GSN: variants seen among roughly 807,000 people sequenced by gnomAD.
The protein encoded by GSN is gelsolin, also known as actin-depolymerizing factor.
GSN carries 56 observed loss-of-function variants against 85.7 expected under a neutral mutation model. That is an observed-to-expected ratio of 0.65 (90% confidence interval 0.53 to 0.82). The LOEUF (loss-of-function observed/expected upper bound fraction) is 0.82. Ranked by LOEUF, GSN falls within the 40% of genes least tolerant of loss-of-function variation. GSN has a pLI of 0.00. For synonymous variants in GSN, 373 were observed against 399.1 expected, an observed-to-expected ratio of 0.93 and a Z score of 0.78; for missense variants, 857 against 979.8, an observed-to-expected ratio of 0.87 and a Z score of 1.67.
In GSN at chr9:121,271,731, C is replaced by G. The variant is rs897744027; in HGVS notation, c.-103+3512C>G. Reference sequence around the variant, plus strand: ...CAGCAGAGAGGCCTGGAGGGGCCTCCCGGGGCTGTTTGTAAACTCATGCTT... The same window carrying G: ...CAGCAGAGAGGCCTGGAGGGGCCTCGCGGGGCTGTTTGTAAACTCATGCTT... On this transcript the variant is annotated intron_variant, in intron 1 of 17. Transcript: ENST00000432226. Among the ~76,000 whole-genome samples the G allele has an allele frequency of 9.2e-5, 14 of 152,154 alleles. 1 individual carries two copies. The highest frequency in any genetic ancestry group is 2.9e-4 in the African/African-American group (12 of 41,446).
intron 4 of GSN, among the ~76,000 whole-genome samples, chr9:121,304,617 T>C (rs963804334): frequency 3.3e-5 from 5 of 152,184 alleles, no homozygotes; most frequent in African/African-American, 1.2e-4. Context: ...CAGCAAATAT[T>C]TACTGAGCCT....
At chr9:121,275,169 G>T (rs2056517259) in intron 1 of GSN, among the ~76,000 whole-genome samples, 1 of 152,174 alleles carries the variant, frequency 6.6e-6, no homozygotes, top group Admixed American at 6.5e-5. Flanking sequence ...AAATACACTT[G>T]CACAATTCAG....
At chr9:121,301,884 G>C (rs781118043) in intron 2 of GSN, 79 bp from the exon 3 acceptor site, 1 of 1,607,434 alleles carries the variant, frequency 6.2e-7, no homozygotes, top group South Asian at 1.1e-5. Context: ...CTTGGTGCTA[G>C]AAACCGCCCT....
Position 121,329,066 on chromosome 9 carries a change from C to G in GSN, c.1887+51C>G, listed in dbSNP as rs1298524411. On this transcript the variant is annotated intron_variant, in intron 15 of 17. Transcript: ENST00000432226. This position sits in a 1 kb window ranked among gnomAD's most constrained non-coding sequence, Gnocchi z 4.6. ...CTGCTTTCCCCTCGGGAGGCGAGTT[C>G]CACAGGACTGGCCGGCAGCAGGGGC... 1 of 1,607,216 alleles carries G rather than the reference C, an allele frequency of 6.2e-7. No individual in the cohort carries two copies. The highest frequency in any genetic ancestry group is 8.5e-7 in the Non-Finnish European group (1 of 1,177,122).
At chr9:121,290,340 C>T in intron 2 of GSN, among the ~76,000 whole-genome samples, 1 of 152,270 alleles carries the variant, frequency 6.6e-6, no homozygotes, top group East Asian at 1.9e-4. Flanking sequence ...TATGATTATC[C>T]TCTAAGCTGG....
At chr9:121,205,625 T>C (rs982282458), upstream of GSN, among the ~76,000 whole-genome samples, 3 of 152,176 alleles carry the variant, frequency 2.0e-5, no homozygotes, top group African/African-American at 7.2e-5. Context: ...GAAGTGTCCA[T>C]CAGAGAGGAG....
At chr9:121,304,326 C>T (rs1439261713) in intron 4 of GSN, among the ~76,000 whole-genome samples, 1 of 152,268 alleles carries the variant, frequency 6.6e-6, no homozygotes, top group Non-Finnish European at 1.5e-5. Flanking sequence ...TGAGCTCCTC[C>T]TGCTGAGGTG....
rs573110558 is a variant in GSN at position 121,281,241 on chromosome 9, A to T, written c.-102-229A>T. Reference sequence around the variant, plus strand: ...ACCAGCAGGTACAAGGCATAAGAAGAGAGAGATTTTAGTGCATCCTTAGGA... The same window carrying T: ...ACCAGCAGGTACAAGGCATAAGAAGTGAGAGATTTTAGTGCATCCTTAGGA... On this transcript the variant is annotated intron_variant, in intron 1 of 17. Transcript: ENST00000432226. The T allele has an allele frequency of 5.9e-4, 137 of 232,528 alleles. 1 individual carries two copies. Among genetic ancestry groups the T allele is most frequent in the African/African-American group, 2.8e-3 (126 of 44,408 alleles). The allele number at this position is 232,528 out of a possible 1,614,324, so 14.4% of individuals were successfully genotyped here.
At chr9:121,277,863 T>C (rs1434067276) in intron 1 of GSN, among the ~76,000 whole-genome samples, 4 of 152,158 alleles carry the variant, frequency 2.6e-5, no homozygotes, top group East Asian at 1.9e-4. Flanking sequence ...TGTTTTTGTA[T>C]GCCTCTGAGC....
At position 121,329,027 on chromosome 9, in the gene GSN, C is replaced by A; in HGVS notation, c.1887+12C>A. On this transcript the variant is annotated intron_variant, in intron 15 of 17. Transcript: ENST00000432226. The surrounding 1 kb of genome is among the most constrained non-coding windows in gnomAD (Gnocchi z 4.6). ...TTGGACGTTTTGTGGTGAGCCCCTGCGGAGGTCACACCTCTGCTTTCCCCT... is the reference window on the plus strand; with the variant it reads ...TTGGACGTTTTGTGGTGAGCCCCTGAGGAGGTCACACCTCTGCTTTCCCCT... 1.9e-6 allele frequency: 3 copies of A among 1,613,168 alleles called. No individual in the cohort carries two copies. Among genetic ancestry groups the A allele is most frequent in the Non-Finnish European group, 2.5e-6 (3 of 1,179,876 alleles).
intron 5 of GSN, among the ~76,000 whole-genome samples, chr9:121,236,689 C>G (rs1209901609): frequency 6.6e-6 from 1 of 152,088 alleles, no homozygotes; most frequent in Non-Finnish European, 1.5e-5. Context: ...ACAGAGAGAC[C>G]AAACAGTCAA....
chr9:121,324,420 G>C (rs1337500297), intron 11 of GSN, 134 bp from the exon 12 acceptor site: 1 of 678,268 alleles, frequency 1.5e-6, no homozygotes, highest in Non-Finnish European at 2.7e-6. Flanking sequence ...TCGTTGTTCT[G>C]AAAGAGTCCC....
Position 121,318,894 on chromosome 9 carries a change from G to T in GSN, c.1191+14G>T, listed in dbSNP as rs377308627. On this transcript the variant is annotated intron_variant, in intron 10 of 17. Coordinates refer to ENST00000432226, the MANE Select transcript of GSN (RefSeq NM_198252.3). The surrounding 1 kb of genome is among the most constrained non-coding windows in gnomAD (Gnocchi z 4.3). ...GGCCAGAAACAGGTACGTTTAGGGC[G>T]TGGGGTGGGTGTGTCCAGGCCCCTC... The T allele has an allele frequency of 6.3e-7, 1 of 1,591,958 alleles. No individual in the cohort carries two copies. The highest frequency in any genetic ancestry group is 8.6e-7 in the Non-Finnish European group (1 of 1,160,204).
chr9:121,227,688 G>A (rs942147344), intron 4 of GSN, among the ~76,000 whole-genome samples: 1 of 152,144 alleles, frequency 6.6e-6, no homozygotes, highest in Non-Finnish European at 1.5e-5. Context: ...AGAACTGCTT[G>A]GTGTGAGGGG....
chr9:121,258,412 G>A (rs938016996), intron 6 of GSN, among the ~76,000 whole-genome samples: 5 of 151,570 alleles, frequency 3.3e-5, no homozygotes, highest in African/African-American at 7.3e-5. Context: ...GCAGTGAGCC[G>A]GGATTGCACC....
At chr9:121,305,922 T>C (rs1368560062) in intron 4 of GSN, among the ~76,000 whole-genome samples, 2 of 152,168 alleles carry the variant, frequency 1.3e-5, no homozygotes, top group Admixed American at 6.5e-5. Flanking sequence ...GAAAGCCTCT[T>C]CCTCTGAGCC....
chr9:121,328,939 C>A lies in GSN; in HGVS notation c.1811C>A (p.Pro604Gln). 6.2e-7 allele frequency: 1 copy of A among 1,613,816 alleles called. No individual in the cohort carries two copies. The highest frequency in any genetic ancestry group is 8.5e-7 in the Non-Finnish European group (1 of 1,180,006). The change falls in exon 15 of 18, where the codon CCA (proline) becomes CAA (glutamine). Residue 604 changes from proline to glutamine, a missense_variant. Pro to Gln is a moderately conservative substitution (Grantham distance 76). Transcript: ENST00000432226. ...LGGKAAYRTSPRLKDKKMDAH... is the reference protein window; with the variant it reads ...LGGKAAYRTSQRLKDKKMDAH... ...GGGAAGGCTGCCTACCGCACATCCC[C>A]ACGGCTGAAGGACAAGAAGATGGAT...
At chr9:121,331,649 C>T (rs754276760) in intron 17 of GSN, 3 of 562,206 alleles carry the variant, frequency 5.3e-6, no homozygotes, top group Non-Finnish European at 9.6e-6. Context: ...CTTCAGAAAC[C>T]CTGAGGCTTC....
At chr9:121,315,085 T>C (rs1415592109) in intron 7 of GSN, among the ~76,000 whole-genome samples, 2 of 152,182 alleles carry the variant, frequency 1.3e-5, no homozygotes, top group African/African-American at 4.8e-5. Context: ...GGTCTCAAAC[T>C]CCTGGGCTCA....
Sources: allele counts gnomAD v4.1 joint callset (sites outside exome capture counted in the v4.1 genomes callset), GRCh38; gene constraint gnomAD v4.1.1; non-coding constraint Gnocchi (gnomAD v3.1); transcripts MANE v1.5; gene names NCBI Gene and HGNC (gene_info 2026-07-23, HGNC 2026-07-21).